Variants in PPP1R12B observed in about 807,000 individuals in gnomAD.
The protein encoded by PPP1R12B is myosin phosphatase target subunit 2.
Under a neutral mutation model 126.1 loss-of-function variants are expected in PPP1R12B, and 76 were observed. The observed-to-expected ratio is 0.60, with a 90% CI of 0.50 to 0.73. PPP1R12B has a LOEUF of 0.73. PPP1R12B is among the 30% of genes least tolerant of loss of function. PPP1R12B has a pLI of 0.00. For missense variants in PPP1R12B, 1,052 were observed against 1,205.1 expected (o/e 0.87, Z 1.88); for synonymous variants, 356 against 434.7 (o/e 0.82, Z 2.25).
intron 18 of PPP1R12B, among the ~76,000 whole-genome samples, chr1:202,523,837 C>T (rs1683042020): frequency 1.3e-5 from 2 of 152,166 alleles, no homozygotes; most frequent in South Asian, 4.1e-4. Context: ...GCCTCAGCCT[C>T]CTGAGTAGCT....
At chr1:202,513,155 G>C (rs1009060255) in intron 18 of PPP1R12B, among the ~76,000 whole-genome samples, 1 of 152,066 alleles carries the variant, frequency 6.6e-6, no homozygotes, top group Non-Finnish European at 1.5e-5. Context: ...TGTATTTTTG[G>C]TAGAGATGGT....
intron 13 of PPP1R12B, among the ~76,000 whole-genome samples, chr1:202,464,510 A>G (rs1463599576): frequency 1.3e-5 from 2 of 152,050 alleles, no homozygotes; most frequent in African/African-American, 4.8e-5. Context: ...TTTTTTTGGC[A>G]CATGAAGGCC....
At chr1:202,429,678 A>G (rs1669965266) in intron 6 of PPP1R12B, among the ~76,000 whole-genome samples, 1 of 152,202 alleles carries the variant, frequency 6.6e-6, no homozygotes, top group African/African-American at 2.4e-5. Context: ...AAGATTAATG[A>G]CATTAGGGTG....
intron 18 of PPP1R12B, among the ~76,000 whole-genome samples, chr1:202,553,747 T>C (rs1187436033): frequency 6.6e-6 from 1 of 152,134 alleles, no homozygotes; most frequent in East Asian, 1.9e-4. Flanking sequence ...CCTTATTTTC[T>C]GCCCACTCAG....
At chr1:202,427,982 T>C (rs529712160) in intron 5 of PPP1R12B, among the ~76,000 whole-genome samples, 1 of 151,764 alleles carries the variant, frequency 6.6e-6, no homozygotes, top group Non-Finnish European at 1.5e-5. Flanking sequence ...TTTTTTTTTT[T>C]TTTTAATGGT....
At chr1:202,411,127 A>T (rs1667322461) in intron 1 of PPP1R12B, among the ~76,000 whole-genome samples, 1 of 152,202 alleles carries the variant, frequency 6.6e-6, no homozygotes, top group African/African-American at 2.4e-5. Context: ...TGAATGAGTC[A>T]GCAGCACAGC....
At position 202,404,153 on chromosome 1, in the gene PPP1R12B, A is replaced by C. The variant is rs897667258; in HGVS notation, c.292-12634A>C. Among the ~76,000 whole-genome samples, 5 of 152,270 alleles carry C rather than the reference A, an allele frequency of 3.3e-5. No homozygotes were observed. In the East Asian group the frequency reaches 9.7e-4, roughly 29 times the overall value. ...TCAATACCTCCCTGTTGTCTTCAGG[A>C]TAAAGGTGAGACTCTTTATCATGGA... is the stretch of plus-strand genomic sequence containing the variant. On this transcript the variant is annotated intron_variant, in intron 1 of 23. Transcript: ENST00000608999.
chr1:202,584,830 A>G lies in PPP1R12B; in HGVS notation c.*4270A>G, dbSNP rs1175640673. 1 of 152,244 alleles carries G rather than the reference A, an allele frequency of 6.6e-6. No homozygotes were observed. Among genetic ancestry groups the G allele is most frequent in the Admixed American group, 6.5e-5 (1 of 15,278 alleles). 9.4% of individuals were successfully genotyped at this position (152,244 alleles called of 1,614,324 possible). A position where few individuals can be genotyped will look rare whatever the true frequency, so the allele number is the denominator to read the frequency against. On this transcript the variant is annotated 3_prime_UTR_variant, in exon 24 of 24. Coordinates refer to ENST00000608999, the MANE Select transcript of PPP1R12B (RefSeq NM_002481.4). ...GAAATTCTACTCTACCAGATGAGCC[A>G]CTGGTTCCACTGGAGCTTATCAGTG... is the stretch of plus-strand genomic sequence containing the variant.
chr1:202,370,317 A>G (rs1659993093), intron 1 of PPP1R12B, among the ~76,000 whole-genome samples: 3 of 152,136 alleles, frequency 2.0e-5, no homozygotes, highest in African/African-American at 7.2e-5. Context: ...TCACGTATCC[A>G]TAGTTTATTG....
chr1:202,501,804 T>A lies in PPP1R12B; in HGVS notation c.2490+4982T>A, dbSNP rs547219739. On this transcript the variant is annotated intron_variant, in intron 18 of 23. Transcript: ENST00000608999. ...TGACTGTAGTGAAGCAAACCTGAAATTAGGACTTACATCCTTTTCTATTCC... is the reference window on the plus strand; with the variant it reads ...TGACTGTAGTGAAGCAAACCTGAAAATAGGACTTACATCCTTTTCTATTCC... 3 of 965,960 alleles carry A rather than the reference T, an allele frequency of 3.1e-6. No homozygotes were observed. In the African/African-American group the frequency reaches 5.3e-5, roughly 17 times the overall value. The allele number at this position is 965,960 out of a possible 1,614,324, so 59.8% of individuals were successfully genotyped here.
chr1:202,575,434 C>A, intron 23 of PPP1R12B: 1 of 348,112 alleles, frequency 2.9e-6, no homozygotes, highest in Non-Finnish European at 5.4e-6. Flanking sequence ...TGAATTTGTT[C>A]ACTCAGCTAC....
intron 13 of PPP1R12B, among the ~76,000 whole-genome samples, chr1:202,455,263 G>A (rs1327035488): frequency 6.6e-6 from 1 of 152,078 alleles, no homozygotes; most frequent in Non-Finnish European, 1.5e-5. Flanking sequence ...GGTGTACAAT[G>A]CAGTGGTTTT....
At chr1:202,405,168 G>T (rs547022766) in intron 1 of PPP1R12B, among the ~76,000 whole-genome samples, 1 of 152,002 alleles carries the variant, frequency 6.6e-6, no homozygotes, top group Non-Finnish European at 1.5e-5. Flanking sequence ...TTTTCTGCTT[G>T]TGCTAACAAT....
intron 10 of PPP1R12B, chr1:202,438,474 G>C: frequency 2.4e-6 from 1 of 416,594 alleles, no homozygotes; most frequent in South Asian, 2.0e-5. Context: ...ACTTCAAGGT[G>C]CTGGATGGGG....
intron 18 of PPP1R12B, among the ~76,000 whole-genome samples, chr1:202,556,331 C>T (rs1459322498): frequency 2.0e-5 from 3 of 152,100 alleles, no homozygotes; most frequent in Non-Finnish European, 2.9e-5. Flanking sequence ...GATGTCAGAG[C>T]AGAAATTAGA....
At chr1:202,523,730 T>G (rs1683026586) in intron 18 of PPP1R12B, among the ~76,000 whole-genome samples, 3 of 152,296 alleles carry the variant, frequency 2.0e-5, no homozygotes, top group Admixed American at 1.3e-4. Context: ...GTTTTGTTTT[T>G]TTGAGACGGA....
intron 1 of PPP1R12B, among the ~76,000 whole-genome samples, chr1:202,415,081 A>G (rs189393550): frequency 6.6e-6 from 1 of 152,224 alleles, no homozygotes; most frequent in East Asian, 1.9e-4. Context: ...GCCTGGCCCG[A>G]GGTGCTTTTT....
At chr1:202,530,137 A>AT (rs543216135) in intron 18 of PPP1R12B, among the ~76,000 whole-genome samples, 78 of 147,908 alleles carry the variant, frequency 5.3e-4, no homozygotes, top group Middle Eastern at 3.5e-3. Flanking sequence ...CAGTTCAAGC[A>AT]TTTTTTTTTT....
chr1:202,354,076 A>G (rs1267522507), intron 1 of PPP1R12B, among the ~76,000 whole-genome samples: 2 of 152,234 alleles, frequency 1.3e-5, no homozygotes, highest in Non-Finnish European at 2.9e-5. Context: ...TTGTTAACAT[A>G]AAACTAAGTA....
Sources: allele counts gnomAD v4.1 joint callset (sites outside exome capture counted in the v4.1 genomes callset), GRCh38; gene constraint gnomAD v4.1.1; transcripts MANE v1.5; gene names NCBI Gene and HGNC (gene_info 2026-07-23, HGNC 2026-07-21).